Variants in GCNT4 observed in about 807,000 individuals in gnomAD.
The protein encoded by GCNT4 is glucosaminyl (N-acetyl) transferase 4.
In GCNT4, 17 loss-of-function variants were observed where a neutral mutation model predicts 31.3. The observed-to-expected ratio is 0.54, with a 90% CI of 0.37 to 0.81. The LOEUF (loss-of-function observed/expected upper bound fraction) is 0.81, where lower values mean the gene tolerates loss of function less well. GCNT4 is among the 40% of genes least tolerant of loss of function. The pLI is 0.00. For synonymous variants in GCNT4, 158 were observed against 190.6 expected, an observed-to-expected ratio of 0.83 and a Z score of 1.41; for missense variants, 503 against 525.5, an observed-to-expected ratio of 0.96 and a Z score of 0.42.
chr5:75,033,070 CT>C (rs1027565884), intron 3 of GCNT4, among the ~76,000 whole-genome samples: 5 of 152,222 alleles, frequency 3.3e-5, no homozygotes, highest in Admixed American at 2.0e-4. Flanking sequence ...GCACTTCCCC[CT>C]GACACCACAG....
At chr5:75,039,475 ATCC>A (rs1743271943) in intron 3 of GCNT4, among the ~76,000 whole-genome samples, 1 of 152,240 alleles carries the variant, frequency 6.6e-6, no homozygotes, top group Non-Finnish European at 1.5e-5. Flanking sequence ...GATTATCATT[ATCC>A]TCATCTTTCA....
chr5:75,033,291 A>T (rs60269760), intron 3 of GCNT4, among the ~76,000 whole-genome samples: 31,005 of 152,068 alleles, frequency 0.2, 3,430 homozygotes, highest in African/African-American at 0.29. Flanking sequence ...CTAGCCTGGG[A>T]TGGGAGAGTC....
In GCNT4 at chr5:75,029,384, G is replaced by A; in HGVS notation, c.654C>T (p.Ile218=). ...NCLSDLLKSS[I]QWKYVINLCG... ...ACAAGTTGATAACATATTTCCACTG[G>A]ATTGAAGACTTCAGAAGGTCCGACA... Residue 218 remains isoleucine, a synonymous_variant, in exon 4 of 4, where the codon ATC becomes ATT. Coordinates refer to ENST00000652361, the MANE Select transcript of GCNT4 (RefSeq NM_001366737.1). 1 of 1,614,108 alleles carries A rather than the reference G, an allele frequency of 6.2e-7. No individual in the cohort carries two copies. The highest frequency in any genetic ancestry group is 1.1e-5 in the South Asian group (1 of 91,086).
chr5:75,046,943 C>T (rs1424171699), intron 3 of GCNT4, among the ~76,000 whole-genome samples: 3 of 152,222 alleles, frequency 2.0e-5, no homozygotes, highest in East Asian at 1.9e-4. Flanking sequence ...GTCTACTTAA[C>T]AGTCTTATCA....
intron 3 of GCNT4, among the ~76,000 whole-genome samples, chr5:75,031,079 CT>C (rs573067505): frequency 3.5e-3 from 504 of 144,834 alleles, no homozygotes; most frequent in Middle Eastern, 3.6e-3. Flanking sequence ...CTTTTTCTCT[CT>C]TTTTTTTTTT....
At chr5:75,047,098 C>A (rs1013840307) in intron 3 of GCNT4, among the ~76,000 whole-genome samples, 1 of 152,198 alleles carries the variant, frequency 6.6e-6, no homozygotes, top group Non-Finnish European at 1.5e-5. Flanking sequence ...TTTCTCCAAT[C>A]CACTATATAA....
At chr5:75,051,129 C>A (rs777753647) in intron 2 of GCNT4, among the ~76,000 whole-genome samples, 8 of 152,218 alleles carry the variant, frequency 5.3e-5, no homozygotes, top group Non-Finnish European at 1.0e-4. Context: ...TCAGCACACA[C>A]CATTCCCGGG....
At chr5:75,052,870 C>T (rs1201538186), upstream of GCNT4, 3 of 152,660 alleles carry the variant, frequency 2.0e-5, no homozygotes, top group Admixed American at 1.3e-4. Flanking sequence ...GCCCCCTGCG[C>T]CTCGCAGCGG....
chr5:75,028,202 C>T lies in GCNT4; in HGVS notation c.*474G>A, dbSNP rs1742989300. On this transcript the variant is annotated 3_prime_UTR_variant, in exon 4 of 4. Transcript: ENST00000652361. ...TGATGGTTAAGAAATGTCTTGAAAG[C>T]TGAGTTAAGAGACAAGTGGAGTGTT... is the stretch of plus-strand genomic sequence containing the variant. 6.5e-6 allele frequency: 1 copy of T among 154,098 alleles called. No homozygotes were observed. The highest frequency in any genetic ancestry group is 2.4e-5 in the African/African-American group (1 of 41,444). The allele number at this position is 154,098 out of a possible 1,614,324, so 9.5% of individuals were successfully genotyped here. A position where few individuals can be genotyped will look rare whatever the true frequency, so the allele number is the denominator to read the frequency against.
chr5:75,050,566 G>C lies in GCNT4; in HGVS notation c.-143+1603C>G, dbSNP rs558489335. Among the ~76,000 whole-genome samples, 33 of 152,224 alleles carry C rather than the reference G, an allele frequency of 2.2e-4. No homozygotes were observed. The South Asian group carries it at 6.6e-3, about 31-fold the overall frequency. ...CCATCTGTGGAGAGTCAGCCAGCGA[G>C]TGCACTATGTGGCCACTAGGGAAGC... On this transcript the variant is annotated intron_variant, in intron 2 of 3. Transcript: ENST00000652361.
the GCNT4 span, chr5:75,017,609 G>C: frequency 6.6e-6 from 1 of 152,230 alleles, no homozygotes. Flanking sequence ...TTTAGGAAGG[G>C]GGTGGATTTG....
At chr5:75,053,590 G>C (rs1257626689), upstream of GCNT4, among the ~76,000 whole-genome samples, 1 of 152,100 alleles carries the variant, frequency 6.6e-6, no homozygotes, top group African/African-American at 2.4e-5. Context: ...CGAGGGTTGC[G>C]CTCTGGGTTC....
At chr5:75,023,931 T>C (rs1580233052), downstream of GCNT4, 1 of 152,366 alleles carries the variant, frequency 6.6e-6, no homozygotes, top group South Asian at 2.1e-4. Context: ...TTTGCTGCTC[T>C]GTGGGAAGGT....
intron 3 of GCNT4, among the ~76,000 whole-genome samples, chr5:75,043,875 T>G (rs935228857): frequency 1.3e-5 from 2 of 152,230 alleles, no homozygotes; most frequent in Non-Finnish European, 2.9e-5. Context: ...TTCCTATATA[T>G]AGCCAAGTGC....
intron 3 of GCNT4, among the ~76,000 whole-genome samples, chr5:75,032,389 G>A (rs1226141359): frequency 1.3e-5 from 2 of 152,138 alleles, no homozygotes; most frequent in Non-Finnish European, 2.9e-5. Context: ...GCCTCCACGA[G>A]TCCAAAACTG....
intron 3 of GCNT4, chr5:75,030,437 T>C (rs534622675): frequency 2.2e-5 from 4 of 179,318 alleles, no homozygotes; most frequent in South Asian, 3.3e-4. Flanking sequence ...AGGACTCACC[T>C]AAGGCCAAAG....
chr5:75,053,669 C>T (rs1297922748), upstream of GCNT4, among the ~76,000 whole-genome samples: 1 of 152,084 alleles, frequency 6.6e-6, no homozygotes, highest in East Asian at 2.0e-4. Context: ...CGCTCTCGCC[C>T]GGCCCGGGGT....
downstream of GCNT4, among the ~76,000 whole-genome samples, chr5:75,021,214 A>T (rs1052188129): frequency 6.6e-6 from 1 of 152,154 alleles, no homozygotes; most frequent in African/African-American, 2.4e-5. Flanking sequence ...TAATTCGCTG[A>T]TACAAACTTG....
intron 3 of GCNT4, among the ~76,000 whole-genome samples, chr5:75,044,032 G>A (rs981279542): frequency 6.6e-6 from 1 of 152,104 alleles, no homozygotes; most frequent in African/African-American, 2.4e-5. Context: ...CAGTCTGCTC[G>A]CCACGCCTCA....
Sources: allele counts gnomAD v4.1 joint callset (sites outside exome capture counted in the v4.1 genomes callset), GRCh38; gene constraint gnomAD v4.1.1; transcripts MANE v1.5; gene names NCBI Gene and HGNC (gene_info 2026-07-23, HGNC 2026-07-21).